Variants in SEMA3A observed in about 807,000 individuals in gnomAD.
The protein encoded by SEMA3A is semaphorin-3A.
A neutral mutation model predicts 97.9 loss-of-function variants in SEMA3A; 29 were observed. The ratio of observed to expected loss-of-function variants is 0.30; its 90% CI spans 0.22 to 0.40. SEMA3A has a LOEUF of 0.40. Ranked by LOEUF, SEMA3A falls within the 10% of genes least tolerant of loss-of-function variation. The probability of loss-of-function intolerance (pLI) is 1.00; values close to 1 mark genes in which losing one functional copy is unlikely to be tolerated. For missense variants in SEMA3A, 763 were observed against 951.3 expected (o/e 0.80, Z 2.60); for synonymous variants, 321 against 323.7 (o/e 0.99, Z 0.09).
intron 3 of SEMA3A, among the ~76,000 whole-genome samples, chr7:84,264,036 CA>C (rs1236865313): frequency 2.6e-5 from 4 of 152,100 alleles, no homozygotes; most frequent in Non-Finnish European, 5.9e-5. Flanking sequence ...TCAGCATTAT[CA>C]CTACTGCAAC....
intron 2 of SEMA3A, among the ~76,000 whole-genome samples, chr7:84,357,286 C>A (rs1205290996): frequency 6.7e-6 from 1 of 149,604 alleles, no homozygotes; most frequent in Non-Finnish European, 1.5e-5. Context: ...CCGCCCCACC[C>A]CCCCTCCACC....
chr7:84,488,817 T>G (rs1223833108), intron 1 of SEMA3A, among the ~76,000 whole-genome samples: 3 of 152,180 alleles, frequency 2.0e-5, no homozygotes, highest in Non-Finnish European at 4.4e-5. Context: ...TTACGCTTTA[T>G]TTGATTGGGC....
chr7:84,383,330 T>C (rs1247078486), intron 1 of SEMA3A, among the ~76,000 whole-genome samples: 1 of 152,106 alleles, frequency 6.6e-6, no homozygotes, highest in Non-Finnish European at 1.5e-5. Flanking sequence ...TCAGATAGAA[T>C]ATTAAAAAAT....
chr7:84,476,720 A>T (rs549893250), intron 1 of SEMA3A, among the ~76,000 whole-genome samples: 1 of 152,318 alleles, frequency 6.6e-6, no homozygotes, highest in African/African-American at 2.4e-5. Context: ...AGAAAAATAT[A>T]GTTAGAAAAC....
intron 4 of SEMA3A, among the ~76,000 whole-genome samples, chr7:84,094,387 A>G (rs966108860): frequency 2.0e-5 from 3 of 151,796 alleles, no homozygotes; most frequent in African/African-American, 7.3e-5. Flanking sequence ...TGCTTTCCTG[A>G]ACTTAAAGTA....
At position 83,958,452 on chromosome 7, in the gene SEMA3A, T is replaced by A. The variant is rs554005403; in HGVS notation, c.*2919A>T. On this transcript the variant is annotated 3_prime_UTR_variant, in exon 17 of 17. Transcript: ENST00000265362. ...CAGTTTTTCTAGTTCCCATCTGAAA[T>A]GCAATGATAAGTAAAGATATGGAAC... 2 of 152,610 alleles carry A rather than the reference T, an allele frequency of 1.3e-5. No homozygotes were observed. The highest frequency in any genetic ancestry group is 1.3e-4 in the Admixed American group (2 of 15,270). 9.5% of individuals were successfully genotyped at this position (152,610 alleles called of 1,614,324 possible).
At chr7:84,292,756 A>G (rs1050604974) in intron 3 of SEMA3A, among the ~76,000 whole-genome samples, 1 of 152,092 alleles carries the variant, frequency 6.6e-6, no homozygotes, top group Non-Finnish European at 1.5e-5. Flanking sequence ...AGAATGTAGT[A>G]AAGTGATGCT....
At chr7:84,268,015 T>C (rs745416414) in intron 3 of SEMA3A, among the ~76,000 whole-genome samples, 8 of 152,132 alleles carry the variant, frequency 5.3e-5, no homozygotes, top group Non-Finnish European at 1.2e-4. Context: ...TTAGGATAGC[T>C]ATGAAAATGG....
intron 1 of SEMA3A, among the ~76,000 whole-genome samples, chr7:84,433,751 C>CT (rs772959582): frequency 6.6e-6 from 1 of 152,244 alleles, no homozygotes; most frequent in South Asian, 2.1e-4. Context: ...TGTTTTCTGA[C>CT]TTTTTAATGA....
chr7:84,358,183 T>G (rs1448574263), intron 2 of SEMA3A, among the ~76,000 whole-genome samples: 2 of 152,238 alleles, frequency 1.3e-5, no homozygotes, highest in African/African-American at 2.4e-5. Flanking sequence ...ACCATTGCTT[T>G]TGGTGCTTTA....
At chr7:84,359,517 G>A (rs1280986058) in intron 2 of SEMA3A, among the ~76,000 whole-genome samples, 1 of 152,040 alleles carries the variant, frequency 6.6e-6, no homozygotes, top group African/African-American at 2.4e-5. Flanking sequence ...TAAGCTTTTT[G>A]ATGTGCTGCT....
chr7:84,488,349 C>T (rs201699054), intron 1 of SEMA3A, among the ~76,000 whole-genome samples: 61 of 145,544 alleles, frequency 4.2e-4, no homozygotes, highest in African/African-American at 1.3e-3. Flanking sequence ...CACACACACA[C>T]ATATATATAT....
chr7:83,991,911 G>T (rs1016631221), intron 12 of SEMA3A, among the ~76,000 whole-genome samples: 127 of 147,708 alleles, frequency 8.6e-4, no homozygotes, highest in Non-Finnish European at 1.5e-3. Context: ...GTTCCTCCTT[G>T]TACCTCTGTT....
chr7:84,401,090 A>C (rs1414174299), intron 1 of SEMA3A, among the ~76,000 whole-genome samples: 1 of 152,210 alleles, frequency 6.6e-6, no homozygotes, highest in Non-Finnish European at 1.5e-5. Context: ...TTGTCCTTGC[A>C]GATGACATTA....
At chr7:84,162,600 A>AAAAG (rs1323279376) in intron 1 of SEMA3A, among the ~76,000 whole-genome samples, 1 of 151,938 alleles carries the variant, frequency 6.6e-6, no homozygotes, top group Non-Finnish European at 1.5e-5. Flanking sequence ...TTTAAAAAAA[A>AAAAG]ATAGATATGA....
intron 1 of SEMA3A, among the ~76,000 whole-genome samples, chr7:84,443,679 C>A (rs1168708154): frequency 6.6e-6 from 1 of 152,100 alleles, no homozygotes; most frequent in African/African-American, 2.4e-5. Flanking sequence ...GGTTGTTTTC[C>A]TGCTAAAAAC....
chr7:84,085,624 G>T (rs1478995156), intron 4 of SEMA3A, among the ~76,000 whole-genome samples: 2 of 152,032 alleles, frequency 1.3e-5, no homozygotes, highest in Non-Finnish European at 2.9e-5. Context: ...CAGGGAAAAT[G>T]ATTAGAAACA....
At chr7:84,229,100 T>A (rs1230682506) in intron 3 of SEMA3A, among the ~76,000 whole-genome samples, 1 of 152,052 alleles carries the variant, frequency 6.6e-6, no homozygotes, top group Non-Finnish European at 1.5e-5. Context: ...ACACTAAAAG[T>A]GGCTGATTAA....
chr7:84,055,712 G>A (rs1383760034), intron 5 of SEMA3A, among the ~76,000 whole-genome samples: 2 of 152,166 alleles, frequency 1.3e-5, no homozygotes, highest in African/African-American at 2.4e-5. Context: ...TTCCTATTCA[G>A]CCATCTTGGC....
Sources: gnomAD v4.1 joint callset for allele counts (sites outside exome capture counted in the v4.1 genomes callset) on GRCh38, gnomAD v4.1.1 for gene constraint, MANE v1.5 for transcripts, NCBI Gene and HGNC (gene_info 2026-07-23, HGNC 2026-07-21) for gene names.